Variants in PKIB observed in about 807,000 individuals in gnomAD.
PKIB encodes cAMP-dependent protein kinase inhibitor beta, also known as PKI-beta.
Under a neutral mutation model 4.5 loss-of-function variants are expected in PKIB, and 2 were observed. That is an observed-to-expected ratio of 0.44 (90% CI 0.18 to 1.39). The LOEUF (loss-of-function observed/expected upper bound fraction) is 1.39. PKIB is among the 40% of genes most tolerant of loss of function. The pLI is 0.27. For missense variants in PKIB, 94 were observed against 92.6 expected (o/e 1.02, Z -0.06); for synonymous variants, 38 against 36.0 (o/e 1.06, Z -0.20).
chr6:122,548,048 C>T (rs938918209), intron 2 of PKIB, among the ~76,000 whole-genome samples: 3 of 152,168 alleles, frequency 2.0e-5, no homozygotes, highest in African/African-American at 7.2e-5. Context: ...TCCATCTACA[C>T]ACACCGGCTT....
chr6:122,717,437 G>C (rs1026200973), intron 3 of PKIB: 13 of 318,094 alleles, frequency 4.1e-5, no homozygotes, highest in African/African-American at 2.3e-4. Flanking sequence ...CTACAGGAGT[G>C]GTCAAAAAAG....
intron 2 of PKIB, among the ~76,000 whole-genome samples, chr6:122,663,052 T>C (rs1206040735): frequency 6.6e-6 from 1 of 152,198 alleles, no homozygotes; most frequent in East Asian, 1.9e-4. Context: ...GTGATTCTGT[T>C]ACATCTCTGT....
At chr6:122,625,753 A>G (rs1414312916) in intron 1 of PKIB, among the ~76,000 whole-genome samples, 1 of 152,168 alleles carries the variant, frequency 6.6e-6, no homozygotes, top group East Asian at 1.9e-4. Context: ...TCAAGCATAT[A>G]TAATAGGGAA....
chr6:122,616,224 C>T (rs17675201), intron 1 of PKIB, among the ~76,000 whole-genome samples: 31,409 of 151,978 alleles, frequency 0.21, 3,885 homozygotes, highest in Non-Finnish European at 0.28. Flanking sequence ...ATTGTCATAG[C>T]GACAAAGGTA....
intron 2 of PKIB, among the ~76,000 whole-genome samples, chr6:122,651,917 T>C (rs1329692692): frequency 3.3e-5 from 5 of 152,172 alleles, no homozygotes; most frequent in African/African-American, 1.2e-4. Flanking sequence ...AAATATATGG[T>C]CACCTAAAAC....
At chr6:122,723,273 C>T (rs536237943) in intron 4 of PKIB, among the ~76,000 whole-genome samples, 10 of 152,260 alleles carry the variant, frequency 6.6e-5, no homozygotes, top group African/African-American at 2.4e-4. Flanking sequence ...CTGAACTGCA[C>T]ACTCATATAC....
intron 2 of PKIB, among the ~76,000 whole-genome samples, chr6:122,553,099 T>C (rs1772729057): frequency 6.6e-6 from 1 of 152,138 alleles, no homozygotes; most frequent in African/African-American, 2.4e-5. Flanking sequence ...GCAGATACAG[T>C]TACTTAAAGC....
chr6:122,589,779 CAA>C (rs1332834792), intron 3 of PKIB, among the ~76,000 whole-genome samples: 1 of 151,840 alleles, frequency 6.6e-6, no homozygotes, highest in African/African-American at 2.4e-5. Context: ...AAGAAAATAA[CAA>C]AGAATAAGGG....
chr6:122,496,719 T>C (rs73545270), intron 2 of PKIB, among the ~76,000 whole-genome samples: 212 of 152,180 alleles, frequency 1.4e-3, no homozygotes, highest in African/African-American at 4.9e-3. Flanking sequence ...CCAAGAAATA[T>C]GAGATTACTT....
intron 3 of PKIB, among the ~76,000 whole-genome samples, chr6:122,713,627 C>T (rs890809257): frequency 3.3e-5 from 5 of 152,122 alleles, no homozygotes; most frequent in African/African-American, 9.7e-5. Flanking sequence ...TTTCACTTAA[C>T]GATATGCTAT....
In PKIB at chr6:122,595,281, C is replaced by T. The variant is rs1231939148; in HGVS notation, c.-161+9274C>T. Reference sequence around the variant, plus strand: ...TCCCTAGCCCTGCAAAATATTGTCACGTAGTTGGCATTGTAATTGTGACTT... The same window carrying T: ...TCCCTAGCCCTGCAAAATATTGTCATGTAGTTGGCATTGTAATTGTGACTT... On this transcript the variant is annotated intron_variant, in intron 3 of 6. Coordinates refer to the PKIB transcript ENST00000392491. Among the ~76,000 whole-genome samples the T allele has an allele frequency of 3.3e-5, 5 of 152,126 alleles. No individual in the cohort carries two copies. The East Asian group carries it at 5.8e-4, about 18-fold the overall frequency.
At chr6:122,558,961 T>G (rs1300757691) in intron 2 of PKIB, among the ~76,000 whole-genome samples, 1 of 152,218 alleles carries the variant, frequency 6.6e-6, no homozygotes, top group African/African-American at 2.4e-5. Flanking sequence ...CTTTGCGCCC[T>G]CACAGCTTAG....
chr6:122,471,965 G>GA (rs746728047), exon 1 of PKIB: 34 of 1,057,938 alleles, frequency 3.2e-5, no homozygotes, highest in Middle Eastern at 2.7e-4. Context: ...CTTTCCTGGA[G>GA]AATTTCTCAA....
intron 2 of PKIB, among the ~76,000 whole-genome samples, chr6:122,639,822 G>A (rs939872445): frequency 2.0e-5 from 3 of 152,204 alleles, no homozygotes; most frequent in African/African-American, 7.2e-5. Context: ...TAACTGAGTT[G>A]ATTGGTCATA....
chr6:122,649,851 C>T (rs574744457), intron 2 of PKIB, among the ~76,000 whole-genome samples: 3 of 152,228 alleles, frequency 2.0e-5, no homozygotes, highest in Admixed American at 6.5e-5. Flanking sequence ...CTGTGATTCA[C>T]CTTCAGGGAT....
At chr6:122,687,560 A>G (rs1449049525) in intron 3 of PKIB, among the ~76,000 whole-genome samples, 1 of 152,158 alleles carries the variant, frequency 6.6e-6, no homozygotes, top group Non-Finnish European at 1.5e-5. Flanking sequence ...TGCTTTGGGT[A>G]ATATGGACGT....
chr6:122,688,413 CT>C (rs1369450173), intron 3 of PKIB, among the ~76,000 whole-genome samples: 1 of 152,016 alleles, frequency 6.6e-6, no homozygotes, highest in Non-Finnish European at 1.5e-5. Flanking sequence ...GTGTATTTTT[CT>C]CTTTCGGATG....
At chr6:122,504,080 A>T (rs1029717035) in intron 2 of PKIB, among the ~76,000 whole-genome samples, 1 of 152,126 alleles carries the variant, frequency 6.6e-6, no homozygotes, top group Non-Finnish European at 1.5e-5. Context: ...CATTTTTTTC[A>T]TTGCTGGCTC....
At chr6:122,561,782 C>T (rs1395307619) in intron 2 of PKIB, among the ~76,000 whole-genome samples, 4 of 152,012 alleles carry the variant, frequency 2.6e-5, no homozygotes, top group African/African-American at 9.7e-5. Context: ...TTTTCCACCC[C>T]TTTACTTTAA....
Sources: allele counts gnomAD v4.1 joint callset (sites outside exome capture counted in the v4.1 genomes callset), GRCh38; gene constraint gnomAD v4.1.1; transcripts MANE v1.5; gene names NCBI Gene and HGNC (gene_info 2026-07-23, HGNC 2026-07-21).